The following CFAP58 variants were observed in gnomAD, a reference collection of about 807,000 sequenced individuals.
The protein encoded by CFAP58 is cilia- and flagella-associated protein 58.
A neutral mutation model predicts 119.5 loss-of-function variants in CFAP58; 88 were observed. The observed-to-expected ratio is 0.74, with a 90% confidence interval of 0.62 to 0.88. CFAP58 has a LOEUF of 0.88. Ranked by LOEUF, CFAP58 falls within the 40% of genes least tolerant of loss-of-function variation. The probability of loss-of-function intolerance (pLI) is 0.00; values close to 1 mark genes in which losing one functional copy is unlikely to be tolerated. For synonymous variants in CFAP58, 365 were observed against 366.3 expected (o/e 1.00, Z 0.04); for missense variants, 990 against 1,021.2 (o/e 0.97, Z 0.42).
At chr10:104,379,923 A>G (rs1191492610) in intron 8 of CFAP58, 106 bp from the exon 9 acceptor site, 11 of 984,518 alleles carry the variant, frequency 1.1e-5, no homozygotes, top group Admixed American at 4.6e-5. Context: ...TTATTCATCC[A>G]AAAGACAAGA....
chr10:104,412,910 G>A (rs1346522559), intron 15 of CFAP58, among the ~76,000 whole-genome samples: 1 of 152,118 alleles, frequency 6.6e-6, no homozygotes, highest in African/African-American at 2.4e-5. Flanking sequence ...TTTTTCCTTA[G>A]GAAAGCCCCT....
chr10:104,417,346 A>G lies in CFAP58; in HGVS notation c.2256+10553A>G, dbSNP rs151125858. ...AAAGATTAAGGGAAAGAATGACATA[A>G]AGCACTTAGCACAATGCTTGAGATT... On this transcript the variant is annotated intron_variant, in intron 15 of 17. Transcript: ENST00000369704. Among the ~76,000 whole-genome samples the G allele has an allele frequency of 6.8e-4, 104 of 152,358 alleles. 1 individual carries two copies. The East Asian group carries it at 0.019, about 29-fold the overall frequency.
chr10:104,362,529 C>T (rs1438213087), intron 3 of CFAP58, among the ~76,000 whole-genome samples: 1 of 152,162 alleles, frequency 6.6e-6, no homozygotes, highest in African/African-American at 2.4e-5. Context: ...GTCTCATCAC[C>T]AACCCTCCCA....
rs1325921091 is a variant in CFAP58, at chr10:104,438,341, G to GTTTT, written c.2257-9354_2257-9351dup. Among the ~76,000 whole-genome samples the GTTTT allele has an allele frequency of 2.0e-5, 2 of 101,288 alleles. 1 individual carries two copies. Among genetic ancestry groups the GTTTT allele is most frequent in the African/African-American group, 9.1e-5 (2 of 22,016 alleles). The allele number at this position is 101,288 out of a possible 152,430, so 66.4% of individuals were successfully genotyped here. On this transcript the variant is annotated intron_variant, in intron 15 of 17. Coordinates refer to ENST00000369704, the MANE Select transcript of CFAP58 (RefSeq NM_001008723.2). ...AATTTTTATTGTTTTTTTGTTTTTT[G>GTTTT]TTTTTTGTTTTTTTTTTTTGTTTTT...
At position 104,455,032 on chromosome 10, in the gene CFAP58, G is replaced by GA. The variant is rs1313754845; in HGVS notation, c.*506dup. The GA allele has an allele frequency of 1.3e-5, 2 of 152,186 alleles. No homozygotes were observed. Among genetic ancestry groups the GA allele is most frequent in the Non-Finnish European group, 2.9e-5 (2 of 68,084 alleles). The allele number at this position is 152,186 out of a possible 1,614,324, so 9.4% of individuals were successfully genotyped here. A position where few individuals can be genotyped will look rare whatever the true frequency, so the allele number is the denominator to read the frequency against. ...GAATTTCTTTTCAGGCCCGGAATGGGAAAATCTATTCCAAAGAGACACACT... is the reference window on the plus strand; with the variant it reads ...GAATTTCTTTTCAGGCCCGGAATGGGAAAAATCTATTCCAAAGAGACACACT... On this transcript the variant is annotated 3_prime_UTR_variant, in exon 18 of 18. Transcript: ENST00000369704.
Position 104,376,814 on chromosome 10 carries a change from T to C in CFAP58, c.1094T>C (p.Val365Ala), listed in dbSNP as rs777999328. Residue 365 changes from valine (V) to alanine (A), a missense_variant, in exon 8 of 18, where the codon GTA becomes GCA. Val to Ala is a moderately conservative substitution (Grantham distance 64). Coordinates refer to ENST00000369704, the MANE Select transcript of CFAP58 (RefSeq NM_001008723.2). ...TTTTTTCTCCCTGGGGATTCAGAGG[T>C]AGAGGCTTCAAAGAAACAAGCAGAA... ...KNQIVGLERE[V>A]EASKKQAELD... The C allele has an allele frequency of 1.2e-6, 2 of 1,612,600 alleles. No homozygotes were observed. Among genetic ancestry groups the C allele is most frequent in the Non-Finnish European group, 1.7e-6 (2 of 1,179,096 alleles).
At chr10:104,369,633 A>G (rs1404797987) in intron 6 of CFAP58, among the ~76,000 whole-genome samples, 2 of 152,246 alleles carry the variant, frequency 1.3e-5, no homozygotes, top group African/African-American at 2.4e-5. Flanking sequence ...GGTAAAATTA[A>G]AGGAAAAAGA....
intron 1 of CFAP58, among the ~76,000 whole-genome samples, chr10:104,357,275 AC>A (rs2014555241): frequency 6.6e-6 from 1 of 152,222 alleles, no homozygotes; most frequent in East Asian, 1.9e-4. Flanking sequence ...TGCCCATCTA[AC>A]CATGGAAAGC....
chr10:104,425,125 G>A (rs888954676), intron 15 of CFAP58, among the ~76,000 whole-genome samples: 9 of 152,202 alleles, frequency 5.9e-5, no homozygotes, highest in African/African-American at 1.2e-4. Context: ...GCCTAGGATA[G>A]AGCTAGACAC....
At chr10:104,353,799 A>C, upstream of CFAP58, 6 of 1,449,064 alleles carry the variant, frequency 4.1e-6, no homozygotes, top group South Asian at 7.2e-5. Context: ...GGCGGGCGAT[A>C]GAGACAGCGC....
At chr10:104,375,905 T>C (rs2011650407) in intron 7 of CFAP58, among the ~76,000 whole-genome samples, 1 of 152,158 alleles carries the variant, frequency 6.6e-6, no homozygotes, top group Non-Finnish European at 1.5e-5. Context: ...GATAAAGGAC[T>C]GTGGAGACCA....
chr10:104,365,582 T>A (rs1330619853), intron 4 of CFAP58, among the ~76,000 whole-genome samples: 3 of 152,136 alleles, frequency 2.0e-5, no homozygotes, highest in Non-Finnish European at 4.4e-5. Context: ...TTTGTGGATT[T>A]GTTGCCCACC....
intron 15 of CFAP58, among the ~76,000 whole-genome samples, chr10:104,420,024 A>G (rs1321603179): frequency 6.6e-6 from 1 of 152,084 alleles, no homozygotes; most frequent in Non-Finnish European, 1.5e-5. Context: ...AGATAGGTTT[A>G]TGGGCCCTCA....
rs552009251 is a variant in CFAP58 at position 104,366,180 on chromosome 10, G to A, written c.792+172G>A. 5.3e-5 allele frequency among the ~76,000 whole-genome samples: 8 copies of A among 152,246 alleles called. No homozygotes were observed. The South Asian group carries it at 1.7e-3, about 32-fold the overall frequency. On this transcript the variant is annotated intron_variant, in intron 5 of 17. Coordinates refer to ENST00000369704, the MANE Select transcript of CFAP58 (RefSeq NM_001008723.2). Reference sequence around the variant, plus strand: ...TTGGTCTTTGAATGGCTCTTATGAGGTAGTTATGCCCCCCCTTTTAAATTT... The same window carrying A: ...TTGGTCTTTGAATGGCTCTTATGAGATAGTTATGCCCCCCCTTTTAAATTT...
intron 15 of CFAP58, among the ~76,000 whole-genome samples, chr10:104,420,849 C>T (rs576479788): frequency 9.2e-4 from 137 of 149,670 alleles, no homozygotes; most frequent in Admixed American, 2.4e-3. Context: ...AGTTCCTGGG[C>T]TCAGGTGATC....
intron 15 of CFAP58, among the ~76,000 whole-genome samples, chr10:104,418,404 C>T (rs764006865): frequency 7.2e-5 from 11 of 152,052 alleles, no homozygotes; most frequent in African/African-American, 2.4e-4. Flanking sequence ...AAAAATTAGC[C>T]GGGCATGTTG....
At chr10:104,411,448 C>T (rs564403396) in intron 15 of CFAP58, among the ~76,000 whole-genome samples, 26 of 152,016 alleles carry the variant, frequency 1.7e-4, no homozygotes, top group East Asian at 3.9e-4. Flanking sequence ...TTGAAGTTCT[C>T]GAGGGGTTTT....
At chr10:104,438,348 GTTTTTTTTTTT>G (rs759400382) in intron 15 of CFAP58, among the ~76,000 whole-genome samples, 961 of 36,756 alleles carry the variant, frequency 0.026, 28 homozygotes, top group East Asian at 0.17. Context: ...TTTGTTTTTT[GTTTTTTTTTTT>G]TGTTTTTTTT....
intron 6 of CFAP58, among the ~76,000 whole-genome samples, chr10:104,370,513 A>G (rs1246708826): frequency 6.6e-6 from 1 of 152,176 alleles, no homozygotes; most frequent in African/African-American, 2.4e-5. Context: ...CTTAGTTTGT[A>G]TCAGGAGAAT....
Sources: gnomAD v4.1 joint callset for allele counts (sites outside exome capture counted in the v4.1 genomes callset) on GRCh38, gnomAD v4.1.1 for gene constraint, MANE v1.5 for transcripts, NCBI Gene and HGNC (gene_info 2026-07-23, HGNC 2026-07-21) for gene names.